C11orf65: variants seen among roughly 807,000 people sequenced by gnomAD.
The protein encoded by C11orf65 is chromosome 11 open reading frame 65.
C11orf65 carries 38 observed loss-of-function variants against 35.3 expected under a neutral mutation model. That is an observed-to-expected ratio of 1.08 (90% confidence interval 0.83 to 1.41). The LOEUF (loss-of-function observed/expected upper bound fraction) is 1.41. Ranked by LOEUF, C11orf65 falls within the 40% of genes most tolerant of loss-of-function variation. The pLI is 0.00. For missense variants in C11orf65, 370 were observed against 367.1 expected, an observed-to-expected ratio of 1.01 and a Z score of -0.06; for synonymous variants, 105 against 114.4, an observed-to-expected ratio of 0.92 and a Z score of 0.53.
chr11:108,370,241 CTG>C (rs1290599125), intron 2 of C11orf65, among the ~76,000 whole-genome samples: 6 of 151,926 alleles, frequency 3.9e-5, no homozygotes, highest in Non-Finnish European at 4.4e-5. Context: ...CTAATTATTA[CTG>C]TTAGAATTAA....
At chr11:108,433,286 T>C (rs1191145841) in intron 2 of C11orf65, among the ~76,000 whole-genome samples, 1 of 149,276 alleles carries the variant, frequency 6.7e-6, no homozygotes, top group Non-Finnish European at 1.5e-5. Flanking sequence ...TATATATAGA[T>C]ATATATATAT....
At chr11:108,403,436 C>G (rs1309327173) in intron 6 of C11orf65, among the ~76,000 whole-genome samples, 1 of 39,210 alleles carries the variant, frequency 2.6e-5, no homozygotes. Context: ...TTTTTTTTTA[C>G]ATATTCTTGA....
At chr11:108,366,933 A>G (rs1159158739) in intron 2 of C11orf65, 1 of 221,894 alleles carries the variant, frequency 4.5e-6, no homozygotes, top group Non-Finnish European at 9.0e-6. Context: ...AGACTGGCAA[A>G]TTGTTCCAGG....
chr11:108,436,582 G>T (rs2093063050), intron 2 of C11orf65, among the ~76,000 whole-genome samples: 1 of 152,160 alleles, frequency 6.6e-6, no homozygotes, highest in Non-Finnish European at 1.5e-5. Context: ...GGATGCCAAG[G>T]TGACAAGGGG....
intron 2 of C11orf65, chr11:108,354,983 G>C: frequency 1.1e-6 from 1 of 942,688 alleles, no homozygotes; most frequent in East Asian, 2.4e-5. Context: ...AACATAGGGG[G>C]ATGTGGCTGG....
intron 2 of C11orf65, chr11:108,368,267 C>T (rs1304655426): frequency 2.5e-5 from 5 of 197,514 alleles, no homozygotes; most frequent in South Asian, 2.0e-4. Flanking sequence ...CCAGCCTTGG[C>T]GACAGAGCAA....
chr11:108,374,245 G>C (rs2091654277), intron 2 of C11orf65, among the ~76,000 whole-genome samples: 2 of 152,188 alleles, frequency 1.3e-5, no homozygotes, highest in African/African-American at 4.8e-5. Flanking sequence ...CCCCCAGTGG[G>C]GCAGACTGAT....
chr11:108,327,014 G>A (rs1189631658), downstream of C11orf65, among the ~76,000 whole-genome samples: 1 of 152,104 alleles, frequency 6.6e-6, no homozygotes, highest in Non-Finnish European at 1.5e-5. Flanking sequence ...TTTTAGTAGA[G>A]ATGGGGTTTC....
intron 6 of C11orf65, among the ~76,000 whole-genome samples, chr11:108,320,750 C>A (rs925941331): frequency 6.6e-6 from 1 of 152,168 alleles, no homozygotes; most frequent in East Asian, 1.9e-4. Context: ...GTTAGGAGTG[C>A]TGAGCCCCTC....
chr11:108,446,614 A>C (rs1202195867), intron 2 of C11orf65, among the ~76,000 whole-genome samples: 1 of 152,146 alleles, frequency 6.6e-6, no homozygotes, highest in Non-Finnish European at 1.5e-5. Flanking sequence ...GCCTGCCCTA[A>C]AAGAGCTCCT....
intron 2 of C11orf65, chr11:108,346,029 A>C: frequency 1.8e-6 from 2 of 1,091,398 alleles, no homozygotes; most frequent in Non-Finnish European, 2.8e-6. Flanking sequence ...TGATGTGGTT[A>C]GTAACCAACC....
chr11:108,456,910 G>C (rs1326443016), intron 2 of C11orf65, among the ~76,000 whole-genome samples: 1 of 152,172 alleles, frequency 6.6e-6, no homozygotes, highest in South Asian at 2.1e-4. Flanking sequence ...CCTGGGAGAA[G>C]ATATTCAACA....
At chr11:108,331,049 G>T, downstream of C11orf65, 1 of 459,002 alleles carries the variant, frequency 2.2e-6, no homozygotes, top group Non-Finnish European at 3.0e-6. Context: ...AATCTCTGCT[G>T]TAGTATACAC....
At chr11:108,343,699 C>G (rs2087902981) in intron 2 of C11orf65, among the ~76,000 whole-genome samples, 1 of 152,160 alleles carries the variant, frequency 6.6e-6, no homozygotes. Context: ...GTAATCCCAG[C>G]TACTTGAGAG....
At chr11:108,372,390 C>T (rs1256088622) in intron 2 of C11orf65, among the ~76,000 whole-genome samples, 2 of 152,170 alleles carry the variant, frequency 1.3e-5, no homozygotes, top group Non-Finnish European at 2.9e-5. Flanking sequence ...GACAGGGTTT[C>T]ACCATGTTGG....
chr11:108,463,135 T>C (rs1159802411), intron 1 of C11orf65, among the ~76,000 whole-genome samples: 1 of 152,036 alleles, frequency 6.6e-6, no homozygotes, highest in Non-Finnish European at 1.5e-5. Flanking sequence ...CTAAAAATAA[T>C]AAAAATGTAA....
At chr11:108,462,436 T>C (rs2093483721) in intron 1 of C11orf65, 1 of 152,256 alleles carries the variant, frequency 6.6e-6, no homozygotes, top group African/African-American at 2.4e-5. Context: ...TTTGCTAATA[T>C]GCTTGTGTTA....
At chr11:108,394,470 T>C (rs80124962) in intron 6 of C11orf65, among the ~76,000 whole-genome samples, 1,884 of 152,312 alleles carry the variant, frequency 0.012, 48 homozygotes, top group African/African-American at 0.042. Flanking sequence ...TGAGAGCCAG[T>C]ATTCAGACCC....
chr11:108,396,853 A>ATAAT, intron 6 of C11orf65, among the ~76,000 whole-genome samples: 1 of 143,554 alleles, frequency 7.0e-6, no homozygotes, highest in East Asian at 1.9e-4. Context: ...AAATAAATAA[A>ATAAT]TAAATAAATA....
Sources: gnomAD v4.1 joint callset for allele counts (sites outside exome capture counted in the v4.1 genomes callset) on GRCh38, gnomAD v4.1.1 for gene constraint, MANE v1.5 for transcripts, NCBI Gene and HGNC (gene_info 2026-07-23, HGNC 2026-07-21) for gene names.